WDR72: variants seen among roughly 807,000 people sequenced by gnomAD.
WDR72 encodes the protein WD repeat domain 72, also known as WD repeat-containing protein 72.
WDR72 carries 120 observed loss-of-function variants against 124.2 expected under a neutral mutation model. The ratio of observed to expected loss-of-function variants is 0.97; its 90% CI spans 0.83 to 1.12. The LOEUF is 1.12. Ranked by LOEUF, WDR72 falls within the 50% of genes most tolerant of loss-of-function variation. The pLI is 0.00. For missense variants in WDR72, 1,387 were observed against 1,278.8 expected, an observed-to-expected ratio of 1.08 and a Z score of -1.29; for synonymous variants, 452 against 441.7, an observed-to-expected ratio of 1.02 and a Z score of -0.29.
At chr15:53,590,501 T>G (rs1451720089) in intron 18 of WDR72, among the ~76,000 whole-genome samples, 1 of 152,074 alleles carries the variant, frequency 6.6e-6, no homozygotes, top group Admixed American at 6.6e-5. Flanking sequence ...TGACAAAATG[T>G]TTTGCTGTCT....
At chr15:53,753,938 T>C (rs997938549) in intron 1 of WDR72, among the ~76,000 whole-genome samples, 1 of 152,162 alleles carries the variant, frequency 6.6e-6, no homozygotes, top group Non-Finnish European at 1.5e-5. Flanking sequence ...ATCCCTAGAT[T>C]TGTATGACCT....
At chr15:53,651,748 G>A (rs894090322) in intron 14 of WDR72, among the ~76,000 whole-genome samples, 5 of 152,146 alleles carry the variant, frequency 3.3e-5, no homozygotes, top group African/African-American at 1.2e-4. Flanking sequence ...TGCCTCCCAG[G>A]TTCAAGCAAT....
intron 13 of WDR72, chr15:53,684,146 C>T (rs775139685): frequency 1.3e-5 from 2 of 151,988 alleles, no homozygotes; most frequent in African/African-American, 4.8e-5. Context: ...ATAGACGAAC[C>T]TTTAACAATG....
At chr15:53,536,801 G>T (rs1892787683) in intron 18 of WDR72, among the ~76,000 whole-genome samples, 1 of 152,160 alleles carries the variant, frequency 6.6e-6, no homozygotes. Context: ...TACTTATAAG[G>T]TTAAACACTG....
intron 14 of WDR72, among the ~76,000 whole-genome samples, chr15:53,656,593 A>G (rs1166939084): frequency 6.6e-6 from 1 of 152,180 alleles, no homozygotes; most frequent in Non-Finnish European, 1.5e-5. Flanking sequence ...ATGGGTCCAC[A>G]TGGTACTCTC....
chr15:53,662,837 G>A (rs1343891), intron 14 of WDR72, among the ~76,000 whole-genome samples: 7,705 of 152,094 alleles, frequency 0.051, 663 homozygotes, highest in African/African-American at 0.18. Context: ...GGCTGAGGCA[G>A]GAGGATCACC....
At chr15:53,616,308 G>A in intron 14 of WDR72, 65 bp from the exon 15 acceptor site, 2 of 1,390,112 alleles carry the variant, frequency 1.4e-6, no homozygotes, top group Non-Finnish European at 2.0e-6. Flanking sequence ...ATTCCATGAT[G>A]TTAAAGTGGC....
chr15:53,624,939 A>G (rs1040923659), intron 14 of WDR72, among the ~76,000 whole-genome samples: 16 of 152,204 alleles, frequency 1.1e-4, no homozygotes, highest in Admixed American at 9.2e-4. Context: ...CATTTTATAG[A>G]TTGGGCAGAC....
At chr15:53,729,794 T>A (rs1373571052) in intron 2 of WDR72, among the ~76,000 whole-genome samples, 2 of 149,972 alleles carry the variant, frequency 1.3e-5, no homozygotes, top group Non-Finnish European at 2.9e-5. Context: ...TTAGAATGGC[T>A]ATTACAAAAA....
At chr15:53,611,209 T>C (rs2013525359) in intron 16 of WDR72, among the ~76,000 whole-genome samples, 1 of 152,180 alleles carries the variant, frequency 6.6e-6, no homozygotes, top group Non-Finnish European at 1.5e-5. Context: ...ATTAATACCA[T>C]GAAGTCAATA....
chr15:53,761,983 G>A (rs555053498), upstream of WDR72, among the ~76,000 whole-genome samples: 107 of 152,114 alleles, frequency 7.0e-4, no homozygotes, highest in African/African-American at 2.5e-3. Flanking sequence ...CTGAATGACT[G>A]GGTGGTTTAG....
intron 1 of WDR72, among the ~76,000 whole-genome samples, chr15:53,758,090 C>T (rs1173351151): frequency 1.3e-5 from 2 of 152,020 alleles, no homozygotes; most frequent in African/African-American, 2.4e-5. Context: ...ACTGCAATCT[C>T]GACCTCTCAG....
At chr15:53,675,700 GTTCATTTATATGC>G (rs1175216806) in intron 13 of WDR72, among the ~76,000 whole-genome samples, 1 of 152,106 alleles carries the variant, frequency 6.6e-6, no homozygotes, top group Non-Finnish European at 1.5e-5. Context: ...ATTTGAGTCT[GTTCATTTATATGC>G]TTCTGGTGTC....
intron 14 of WDR72, among the ~76,000 whole-genome samples, chr15:53,657,823 T>A (rs1329221714): frequency 6.6e-6 from 1 of 152,178 alleles, no homozygotes; most frequent in African/African-American, 2.4e-5. Context: ...TATCAGCAAT[T>A]ATAAAAACAA....
chr15:53,742,159 C>T (rs2018527783), intron 1 of WDR72, among the ~76,000 whole-genome samples: 1 of 152,206 alleles, frequency 6.6e-6, no homozygotes, highest in Admixed American at 6.5e-5. Flanking sequence ...GACTCTTTAT[C>T]TTTCCCCAGC....
chr15:53,633,315 C>T (rs1393111110), intron 14 of WDR72, among the ~76,000 whole-genome samples: 6 of 152,128 alleles, frequency 3.9e-5, no homozygotes, highest in East Asian at 3.9e-4. Context: ...CCATGTAAGA[C>T]GTGCCTACGT....
chr15:53,668,860 A>C lies in WDR72; in HGVS notation c.1766-3092T>G, dbSNP rs556318047. 1.0e-4 allele frequency among the ~76,000 whole-genome samples: 15 copies of C among 147,360 alleles called. No individual in the cohort carries two copies. In the South Asian group the frequency reaches 3.2e-3, roughly 31 times the overall value. On this transcript the variant is annotated intron_variant, in intron 13 of 19. Coordinates refer to ENST00000360509, the MANE Select transcript of WDR72 (RefSeq NM_182758.4). Reference sequence around the variant, plus strand: ...GTCGAGGCTGCAGTGAGCTGTGATCATACCACTGTATTATAGCCTCAGTGA... The same window carrying C: ...GTCGAGGCTGCAGTGAGCTGTGATCCTACCACTGTATTATAGCCTCAGTGA...
rs374401134 is a variant in WDR72 at position 53,706,550 on chromosome 15, G to A, written c.955-476C>T. Among the ~76,000 whole-genome samples the A allele has an allele frequency of 4.6e-5, 7 of 151,558 alleles. No individual in the cohort carries two copies. In the East Asian group the frequency reaches 9.7e-4, roughly 21 times the overall value. Reference sequence around the variant, plus strand: ...GATTTGTCTAAGGCGATTAGAAGAAGCAATGGGCTTTGAGTCCAGTCATTG... The same window carrying A: ...GATTTGTCTAAGGCGATTAGAAGAAACAATGGGCTTTGAGTCCAGTCATTG... On this transcript the variant is annotated intron_variant, in intron 9 of 19. Coordinates refer to ENST00000360509, the MANE Select transcript of WDR72 (RefSeq NM_182758.4).
At chr15:53,594,458 G>A (rs2012666685) in intron 18 of WDR72, among the ~76,000 whole-genome samples, 2 of 152,078 alleles carry the variant, frequency 1.3e-5, no homozygotes, top group Admixed American at 1.3e-4. Context: ...ATCTGCCTAT[G>A]AAATTTGAGG....
Sources: gnomAD v4.1 joint callset for allele counts (sites outside exome capture counted in the v4.1 genomes callset) on GRCh38, gnomAD v4.1.1 for gene constraint, MANE v1.5 for transcripts, NCBI Gene and HGNC (gene_info 2026-07-23, HGNC 2026-07-21) for gene names.